The following SH3BP2 variants were observed in gnomAD, a reference collection of about 807,000 sequenced individuals.
SH3BP2 encodes SH3 domain binding protein 2.
In SH3BP2, 38 loss-of-function variants were observed where a neutral mutation model predicts 56.2. That is an observed-to-expected ratio of 0.68 (90% CI 0.52 to 0.89). The LOEUF (loss-of-function observed/expected upper bound fraction) is 0.89. SH3BP2 is among the 40% of genes least tolerant of loss of function. SH3BP2 has a pLI of 0.00. For synonymous variants in SH3BP2, 346 were observed against 316.7 expected, an observed-to-expected ratio of 1.09 and a Z score of -0.98; for missense variants, 748 against 762.6, an observed-to-expected ratio of 0.98 and a Z score of 0.23.
intron 5 of SH3BP2, chr4:2,826,215 CTGTGTGTGCATGTCCGCGTGTTGCTCCG>C (rs1560107892): frequency 0.014 from 2,147 of 153,444 alleles, 63 homozygotes; most frequent in East Asian, 0.029. Flanking sequence ...GTCCTTGTAA[CTGTGTGTGCATGTCCGCGTGTTGCTCCG>C]TGTGTGTGCA....
intron 1 of SH3BP2, among the ~76,000 whole-genome samples, chr4:2,801,206 G>C (rs1203779940): frequency 6.6e-6 from 1 of 152,220 alleles, no homozygotes; most frequent in Non-Finnish European, 1.5e-5. Context: ...CCCACCGCCA[G>C]ACCCTTGTCC....
At chr4:2,804,956 G>T (rs1387963668) in intron 1 of SH3BP2, among the ~76,000 whole-genome samples, 1 of 152,264 alleles carries the variant, frequency 6.6e-6, no homozygotes, top group Non-Finnish European at 1.5e-5. Context: ...CGGGCACAGA[G>T]CTGGCGCACT....
intron 10 of SH3BP2, 41 bp downstream of exon 10, chr4:2,832,019 C>A: frequency 6.3e-7 from 1 of 1,598,066 alleles, no homozygotes; most frequent in Non-Finnish European, 8.6e-7. Flanking sequence ...CTCCGCCATG[C>A]CCGGCTTCCT....
chr4:2,832,362 C>T lies in SH3BP2; in HGVS notation c.1438C>T (p.Pro480Ser). The T allele has an allele frequency of 6.2e-7, 1 of 1,614,038 alleles. No individual in the cohort carries two copies. The highest frequency in any genetic ancestry group is 8.5e-7 in the Non-Finnish European group (1 of 1,179,928). Reference protein sequence around the residue: ...LFKATSPRGEPQDGLYCIRNS... With the variant: ...LFKATSPRGESQDGLYCIRNS... ...CAAGGCTACAAGCCCCCGGGGAGAG[C>T]CCCAGGATGGACTCTACTGCATCCG... Residue 480 changes from proline to serine, a missense_variant, in exon 11 of 13, where the codon CCC (proline) becomes TCC (serine). Pro to Ser is a moderately conservative substitution (Grantham distance 74, BLOSUM62 -1). Transcript: ENST00000503393.
chr4:2,794,026 G>C (rs1722983049), intron 1 of SH3BP2: 7 of 152,354 alleles, frequency 4.6e-5, no homozygotes, highest in Admixed American at 4.6e-4. Flanking sequence ...CTCATCTGTT[G>C]ACACTGGGGA....
rs45525837 is a variant in SH3BP2 at position 2,832,320 on chromosome 4, T to A, written c.1407-11T>A. 7.3e-3 allele frequency: 11,697 copies of A among 1,610,428 alleles called. 57 individuals carry two copies. Among genetic ancestry groups the A allele is most frequent in the Non-Finnish European group, 8.7e-3 (10,193 of 1,176,682 alleles). On this transcript the variant is annotated splice_polypyrimidine_tract_variant and intron_variant, in intron 10 of 12. Coordinates refer to ENST00000503393, the MANE Select transcript of SH3BP2 (RefSeq NM_001122681.2). ...GAGGACTCACCCGCTAATATGACTG[T>A]CTTATTTTAGGTTGTTCAAGGCTAC...
intron 2 of SH3BP2, 100 bp downstream of exon 2, chr4:2,820,853 T>G: frequency 7.5e-7 from 1 of 1,340,174 alleles, no homozygotes; most frequent in Non-Finnish European, 1.0e-6. Context: ...CCTCACATGG[T>G]GTGCCCTCTG....
Position 2,818,255 on chromosome 4 carries a change from G to A in SH3BP2, c.-4-2359G>A, listed in dbSNP as rs1308437042. ...GGCTCCGGGCCGCGGCCGCGGAGCTGGGGCCGGCGGGAGGCGGGCGCCCGG... is the reference window on the plus strand; with the variant it reads ...GGCTCCGGGCCGCGGCCGCGGAGCTAGGGCCGGCGGGAGGCGGGCGCCCGG... On this transcript the variant is annotated intron_variant, in intron 1 of 12. Transcript: ENST00000503393. 3.0e-6 allele frequency: 3 copies of A among 999,416 alleles called. No homozygotes were observed. In the East Asian group the frequency reaches 3.1e-4, roughly 104 times the overall value. 61.9% of individuals were successfully genotyped at this position (999,416 alleles called of 1,614,324 possible). A position where few individuals can be genotyped will look rare whatever the true frequency, so the allele number is the denominator to read the frequency against.
Position 2,820,986 on chromosome 4 carries a change from C to T in SH3BP2, c.136+233C>T, listed in dbSNP as rs1242164011. On this transcript the variant is annotated intron_variant, in intron 2 of 12. Transcript: ENST00000503393. ...AGTGCTGGCCAGCTGGCAAGGGGAG[C>T]TGCAGCCTGCAGCCAGGACCTGGGG... 1.2e-4 allele frequency among the ~76,000 whole-genome samples: 18 copies of T among 152,206 alleles called. 1 individual carries two copies. Among genetic ancestry groups the T allele is most frequent in the Admixed American group, 1.2e-3 (18 of 15,290 alleles).
At position 2,823,702 on chromosome 4, in the gene SH3BP2, C is replaced by T. The variant is rs1480878304; in HGVS notation, c.239+665C>T. The T allele has an allele frequency of 5.3e-5, 19 of 357,460 alleles. No homozygotes were observed. In the East Asian group the frequency reaches 1.3e-3, roughly 24 times the overall value. 22.1% of individuals were successfully genotyped at this position (357,460 alleles called of 1,614,324 possible). On this transcript the variant is annotated intron_variant, in intron 3 of 12. Transcript: ENST00000503393. ...GTTGCTATCCCATCGGAGCCCTGCA[C>T]CCCACAGCATTTATCTATGCCTCTT...
intron 2 of SH3BP2, among the ~76,000 whole-genome samples, chr4:2,821,061 C>T (rs1724278064): frequency 6.6e-6 from 1 of 152,182 alleles, no homozygotes; most frequent in South Asian, 2.1e-4. Context: ...CTCACTGAAT[C>T]CGTGAATGTT....
chr4:2,817,251 G>C (rs1415423862), intron 1 of SH3BP2, among the ~76,000 whole-genome samples: 10 of 152,228 alleles, frequency 6.6e-5, no homozygotes, highest in African/African-American at 1.9e-4. Context: ...TCTGTGCTGG[G>C]TGGAGGGGGC....
chr4:2,827,031 G>A (rs757907854), intron 5 of SH3BP2, 199 bp from the exon 6 acceptor site: 2 of 688,056 alleles, frequency 2.9e-6, no homozygotes, highest in Non-Finnish European at 5.3e-6. Context: ...GTGCATGTGT[G>A]TGTCTGTCAG....
rs942533305 is a variant in SH3BP2 at position 2,831,459 on chromosome 4, A to G, written c.1242-112A>G. On this transcript the variant is annotated intron_variant, in intron 8 of 12. Coordinates refer to ENST00000503393, the MANE Select transcript of SH3BP2 (RefSeq NM_001122681.2). The surrounding 1 kb of genome is among the most constrained non-coding windows in gnomAD (Gnocchi z 4.1). ...AGCTTTTTAGGGTCACAGGGGCCAT[A>G]GCAGGCAGCTTGCCGTCCTCACACA... The G allele has an allele frequency of 2.7e-5, 22 of 801,122 alleles. No individual in the cohort carries two copies. In the East Asian group the frequency reaches 3.2e-4, roughly 12 times the overall value. 49.6% of individuals were successfully genotyped at this position (801,122 alleles called of 1,614,324 possible).
At chr4:2,816,028 C>T (rs1236780921) in intron 1 of SH3BP2, among the ~76,000 whole-genome samples, 1 of 152,102 alleles carries the variant, frequency 6.6e-6, no homozygotes, top group Non-Finnish European at 1.5e-5. Flanking sequence ...GATCTTATAT[C>T]CTGCCACCTT....
intron 2 of SH3BP2, 37 bp downstream of exon 2, chr4:2,820,790 G>A: frequency 1.3e-6 from 2 of 1,593,132 alleles, no homozygotes; most frequent in Non-Finnish European, 8.6e-7. Flanking sequence ...CAGTAGGAGG[G>A]CATGGGGGCA....
intron 1 of SH3BP2, chr4:2,798,442 G>A (rs373696741): frequency 6.6e-6 from 1 of 152,274 alleles, no homozygotes; most frequent in African/African-American, 2.4e-5. Flanking sequence ...AGTGGCAGGT[G>A]GGGGTACACA....
intron 1 of SH3BP2, among the ~76,000 whole-genome samples, chr4:2,799,982 C>A (rs1039447629): frequency 6.6e-6 from 1 of 152,034 alleles, no homozygotes; most frequent in Admixed American, 6.6e-5. Flanking sequence ...AGACCACTGC[C>A]GAACATACGC....
At chr4:2,814,116 A>T (rs1296217494) in intron 1 of SH3BP2, among the ~76,000 whole-genome samples, 2 of 152,226 alleles carry the variant, frequency 1.3e-5, no homozygotes, top group Non-Finnish European at 2.9e-5. Context: ...CCCTGCTCCT[A>T]TGCAGGGGCT....
Sources: allele counts gnomAD v4.1 joint callset (sites outside exome capture counted in the v4.1 genomes callset), GRCh38; gene constraint gnomAD v4.1.1; non-coding constraint Gnocchi (gnomAD v3.1); transcripts MANE v1.5; gene names NCBI Gene and HGNC (gene_info 2026-07-23, HGNC 2026-07-21).